The following ENAH variants were observed in gnomAD, a reference collection of about 807,000 sequenced individuals.
ENAH encodes ENAH actin regulator.
Under a neutral mutation model 78.7 loss-of-function variants are expected in ENAH, and 23 were observed. That is an observed-to-expected ratio of 0.29 (90% CI 0.21 to 0.41). The LOEUF (loss-of-function observed/expected upper bound fraction) is 0.41, where lower values mean the gene tolerates loss of function less well. Among genes scored for constraint, ENAH ranks in the 10% least tolerant of loss-of-function variants. The probability of loss-of-function intolerance (pLI) is 1.00; values close to 1 mark genes in which losing one functional copy is unlikely to be tolerated. For synonymous variants in ENAH, 226 were observed against 241.0 expected, an observed-to-expected ratio of 0.94 and a Z score of 0.58; for missense variants, 544 against 691.0, an observed-to-expected ratio of 0.79 and a Z score of 2.39.
intron 1 of ENAH, among the ~76,000 whole-genome samples, chr1:225,649,679 T>TTAAA (rs1380144172): frequency 1.3e-5 from 2 of 152,174 alleles, no homozygotes; most frequent in Admixed American, 6.5e-5. Context: ...AAGCAAAATA[T>TTAAA]TAACAAGTAA....
intron 4 of ENAH, among the ~76,000 whole-genome samples, chr1:225,525,697 T>C (rs1462993156): frequency 6.6e-6 from 1 of 152,224 alleles, no homozygotes; most frequent in African/African-American, 2.4e-5. Context: ...CTCCCTCATC[T>C]TAACAGAACA....
chr1:225,564,121 T>G (rs1461052984), intron 2 of ENAH, among the ~76,000 whole-genome samples: 5 of 152,102 alleles, frequency 3.3e-5, no homozygotes, highest in African/African-American at 1.2e-4. Context: ...AAGTTTTTTT[T>G]GTTTGTTTTT....
chr1:225,610,109 A>C (rs1445966713), intron 1 of ENAH, among the ~76,000 whole-genome samples: 2 of 152,016 alleles, frequency 1.3e-5, no homozygotes, highest in Non-Finnish European at 2.9e-5. Context: ...TACAGAGGAA[A>C]GTATTCACAG....
intron 1 of ENAH, among the ~76,000 whole-genome samples, chr1:225,603,821 G>T (rs371642759): frequency 1.3e-5 from 2 of 152,210 alleles, no homozygotes; most frequent in South Asian, 2.1e-4. Flanking sequence ...TCACTACAAA[G>T]AATTTCACAA....
chr1:225,513,737 A>T (rs2096394764), intron 7 of ENAH, among the ~76,000 whole-genome samples: 2 of 152,146 alleles, frequency 1.3e-5, no homozygotes, highest in African/African-American at 4.8e-5. Context: ...CACACCTGTA[A>T]TCCCGGCACT....
chr1:225,515,003 A>T (rs2096406782), intron 6 of ENAH, 103 bp from the exon 7 acceptor site: 3 of 942,818 alleles, frequency 3.2e-6, no homozygotes, highest in Non-Finnish European at 5.0e-6. Context: ...AAACTGACTC[A>T]TGTATTTACT....
chr1:225,615,384 G>A (rs1012416986), intron 1 of ENAH, among the ~76,000 whole-genome samples: 20 of 152,230 alleles, frequency 1.3e-4, no homozygotes, highest in African/African-American at 4.6e-4. Context: ...GCGTGATCTC[G>A]GCTCGCTACA....
At chr1:225,555,474 C>T (rs920795676) in intron 2 of ENAH, among the ~76,000 whole-genome samples, 1 of 151,382 alleles carries the variant, frequency 6.6e-6, no homozygotes, top group East Asian at 1.9e-4. Context: ...CCCAGCTACT[C>T]GGGAGGCTGA....
chr1:225,533,960 G>C (rs939822190), intron 3 of ENAH, among the ~76,000 whole-genome samples: 4 of 152,052 alleles, frequency 2.6e-5, no homozygotes, highest in Non-Finnish European at 5.9e-5. Flanking sequence ...TAAATTAAAG[G>C]TAATAATGGG....
intron 1 of ENAH, among the ~76,000 whole-genome samples, chr1:225,584,820 A>C (rs1186036192): frequency 6.6e-6 from 1 of 152,248 alleles, no homozygotes; most frequent in East Asian, 1.9e-4. Flanking sequence ...TATCAGATAA[A>C]GTAGACTTTT....
chr1:225,567,581 A>T (rs1283178667), intron 1 of ENAH, among the ~76,000 whole-genome samples, 167 bp from the exon 2 acceptor site: 3 of 152,186 alleles, frequency 2.0e-5, no homozygotes, highest in African/African-American at 7.2e-5. Flanking sequence ...GTACAGTCTA[A>T]TGGTGAAGAC....
At chr1:225,609,227 T>TTAAAAG (rs1368670520) in intron 1 of ENAH, among the ~76,000 whole-genome samples, 4 of 152,036 alleles carry the variant, frequency 2.6e-5, no homozygotes. Context: ...GTTTATTATA[T>TTAAAAG]TAAAAGGAGA....
intron 1 of ENAH, among the ~76,000 whole-genome samples, chr1:225,614,061 A>AT (rs71574533): frequency 0.028 from 3,984 of 144,366 alleles, 63 homozygotes; most frequent in Non-Finnish European, 0.037. Flanking sequence ...TATTAGAAAG[A>AT]TTTTTTTTTT....
At chr1:225,551,687 C>T (rs767267694) in intron 3 of ENAH, among the ~76,000 whole-genome samples, 3 of 151,506 alleles carry the variant, frequency 2.0e-5, no homozygotes, top group Admixed American at 6.6e-5. Context: ...AAGGATTAGC[C>T]GATGACAACA....
intron 4 of ENAH, among the ~76,000 whole-genome samples, chr1:225,529,746 GA>G (rs1397124020): frequency 1.3e-5 from 2 of 152,286 alleles, no homozygotes; most frequent in Non-Finnish European, 2.9e-5. Flanking sequence ...AGGAATCTGG[GA>G]AAGATCTAAC....
intron 1 of ENAH, among the ~76,000 whole-genome samples, chr1:225,626,606 C>T (rs943453631): frequency 2.0e-5 from 3 of 152,180 alleles, no homozygotes; most frequent in African/African-American, 7.2e-5. Flanking sequence ...TATTGGGCTT[C>T]CCAGGCTCCA....
At chr1:225,614,098 G>A (rs372102562) in intron 1 of ENAH, among the ~76,000 whole-genome samples, 4 of 149,916 alleles carry the variant, frequency 2.7e-5, no homozygotes, top group East Asian at 1.9e-4. Context: ...TCATTCTGTC[G>A]CCCAGGCTGG....
chr1:225,643,955 A>G (rs1235589293), intron 1 of ENAH, among the ~76,000 whole-genome samples: 1 of 152,098 alleles, frequency 6.6e-6, no homozygotes, highest in East Asian at 1.9e-4. Flanking sequence ...AAATAATAAA[A>G]TGTAAAAAGT....
At chr1:225,646,427 A>G (rs2148488139) in intron 1 of ENAH, among the ~76,000 whole-genome samples, 1 of 152,278 alleles carries the variant, frequency 6.6e-6, no homozygotes, top group East Asian at 1.9e-4. Context: ...GAGGACACAG[A>G]GAGAAGGATA....
Sources: allele counts gnomAD v4.1 joint callset (sites outside exome capture counted in the v4.1 genomes callset), GRCh38; gene constraint gnomAD v4.1.1; transcripts MANE v1.5; gene names NCBI Gene and HGNC (gene_info 2026-07-23, HGNC 2026-07-21).